The following CAST variants were observed in gnomAD, a reference collection of about 807,000 sequenced individuals.
CAST encodes MIR583 host.
Under a neutral mutation model 119.6 loss-of-function variants are expected in CAST, and 76 were observed. That is an observed-to-expected ratio of 0.64 (90% CI 0.53 to 0.77). The LOEUF (loss-of-function observed/expected upper bound fraction) is 0.77, where lower values mean the gene tolerates loss of function less well. Ranked by LOEUF, CAST falls within the 30% of genes least tolerant of loss-of-function variation. CAST has a pLI of 0.00. For synonymous variants in CAST, 319 were observed against 331.6 expected, an observed-to-expected ratio of 0.96 and a Z score of 0.41; for missense variants, 953 against 946.5, an observed-to-expected ratio of 1.01 and a Z score of -0.09.
chr5:96,075,300 C>A, the CAST span, among the ~76,000 whole-genome samples: 428 of 152,296 alleles, frequency 2.8e-3, 5 homozygotes, highest in Admixed American at 0.024. Context: ...CTCTATAATA[C>A]TTTTCATCTG....
At chr5:96,412,531 C>A in the CAST span, 1 of 1,556,264 alleles carries the variant, frequency 6.4e-7, no homozygotes, top group South Asian at 1.1e-5. Context: ...AGGTTGATGT[C>A]AGTATGTACA....
At chr5:96,654,693 G>A (rs1213428623) in intron 1 of CAST, among the ~76,000 whole-genome samples, 1 of 151,948 alleles carries the variant, frequency 6.6e-6, no homozygotes. Context: ...ATTGGAAAAT[G>A]AAAAGTAAGA....
the CAST span, among the ~76,000 whole-genome samples, chr5:96,113,365 G>C: frequency 6.6e-6 from 1 of 152,138 alleles, no homozygotes; most frequent in Admixed American, 6.6e-5. Flanking sequence ...GAATTAAGTG[G>C]GAACAACAAA....
chr5:96,240,557 A>AT, the CAST span, among the ~76,000 whole-genome samples: 2 of 151,706 alleles, frequency 1.3e-5, no homozygotes, highest in Non-Finnish European at 2.9e-5. Context: ...AGAAATATTC[A>AT]TTTTTTTATT....
the CAST span, among the ~76,000 whole-genome samples, chr5:96,141,116 T>C: frequency 5.3e-5 from 8 of 152,190 alleles, no homozygotes; most frequent in Admixed American, 1.3e-4. Context: ...TTCAGATAAA[T>C]GTATATTCAT....
At chr5:96,137,756 A>G in the CAST span, among the ~76,000 whole-genome samples, 2 of 151,800 alleles carry the variant, frequency 1.3e-5, no homozygotes, top group African/African-American at 2.4e-5. Flanking sequence ...ATGTTGAGCA[A>G]TTTTTCATAT....
At chr5:96,636,682 A>G (rs561456580) in intron 1 of CAST, among the ~76,000 whole-genome samples, 3 of 152,354 alleles carry the variant, frequency 2.0e-5, no homozygotes, top group East Asian at 3.9e-4. Context: ...TAAATGAATG[A>G]AAGGTTGAGT....
chr5:96,347,636 G>A, the CAST span, among the ~76,000 whole-genome samples: 125 of 151,998 alleles, frequency 8.2e-4, no homozygotes, highest in Non-Finnish European at 1.6e-3. Flanking sequence ...TTAGAACTCT[G>A]GCAAGACTAC....
chr5:96,299,301 A>G, the CAST span, among the ~76,000 whole-genome samples: 1 of 151,844 alleles, frequency 6.6e-6, no homozygotes, highest in Non-Finnish European at 1.5e-5. Context: ...CAAACAAACA[A>G]AAAACATGTA....
chr5:96,766,717 G>A (rs1770113409), intron 27 of CAST, among the ~76,000 whole-genome samples: 2 of 152,148 alleles, frequency 1.3e-5, no homozygotes, highest in Admixed American at 1.3e-4. Flanking sequence ...AACCAGGCCT[G>A]TCCCCCACCT....
At chr5:96,423,470 A>G in the CAST span, 1 of 1,613,732 alleles carries the variant, frequency 6.2e-7, no homozygotes, top group Non-Finnish European at 8.5e-7. Flanking sequence ...CTGGTAAAGA[A>G]AAACAACGAA....
chr5:95,995,565 C>T, the CAST span, among the ~76,000 whole-genome samples: 1 of 151,954 alleles, frequency 6.6e-6, no homozygotes, highest in South Asian at 2.1e-4. Context: ...TCTTGGCATA[C>T]TCGATATTGG....
chr5:96,202,987 C>T, the CAST span, among the ~76,000 whole-genome samples: 1 of 151,954 alleles, frequency 6.6e-6, no homozygotes, highest in African/African-American at 2.4e-5. Context: ...AAAATTTCTA[C>T]AACTGAGATA....
chr5:96,299,290 ACAAAC>A, the CAST span, among the ~76,000 whole-genome samples: 1 of 136,458 alleles, frequency 7.3e-6, no homozygotes, highest in Non-Finnish European at 1.5e-5. Context: ...AACAACAACA[ACAAAC>A]AAACAAAAAA....
the CAST span, among the ~76,000 whole-genome samples, chr5:96,351,630 T>C: frequency 1.3e-5 from 2 of 152,094 alleles, no homozygotes; most frequent in African/African-American, 4.8e-5. Flanking sequence ...TGCACACCTG[T>C]ATTACGTATC....
the CAST span, among the ~76,000 whole-genome samples, chr5:96,326,318 G>T: frequency 1.3e-5 from 2 of 152,124 alleles, no homozygotes; most frequent in Non-Finnish European, 2.9e-5. Flanking sequence ...TCCATGACAA[G>T]CCTCATTAGT....
chr5:96,355,714 T>C, the CAST span, among the ~76,000 whole-genome samples: 1 of 152,122 alleles, frequency 6.6e-6, no homozygotes, highest in Non-Finnish European at 1.5e-5. Context: ...TCTTTTATTT[T>C]TTTTTTGAGA....
At chr5:96,353,775 A>G in the CAST span, among the ~76,000 whole-genome samples, 7 of 151,368 alleles carry the variant, frequency 4.6e-5, no homozygotes, top group African/African-American at 1.7e-4. Context: ...TAACATTACA[A>G]ACTTTCCTGG....
the CAST span, among the ~76,000 whole-genome samples, chr5:96,265,439 G>A: frequency 1.3e-5 from 2 of 152,126 alleles, no homozygotes; most frequent in Non-Finnish European, 2.9e-5. Context: ...GAGCCATGGG[G>A]TAGAGGTTGG....
Sources: allele counts gnomAD v4.1 joint callset (sites outside exome capture counted in the v4.1 genomes callset), GRCh38; gene constraint gnomAD v4.1.1; transcripts MANE v1.5; gene names NCBI Gene and HGNC (gene_info 2026-07-23, HGNC 2026-07-21).